COL22A1: variants seen among roughly 807,000 people sequenced by gnomAD.
The protein encoded by COL22A1 is collagen alpha-1(XXII) chain.
Under a neutral mutation model 248.9 loss-of-function variants are expected in COL22A1, and 221 were observed. The observed-to-expected ratio is 0.89, with a 90% CI of 0.80 to 0.99. The LOEUF is 0.99. Ranked by LOEUF, COL22A1 falls within the 50% of genes least tolerant of loss-of-function variation. The pLI, the probability that COL22A1 is intolerant of heterozygous loss-of-function variation, is 0.00. For missense variants in COL22A1, 2,240 were observed against 2,179.0 expected (o/e 1.03, Z -0.56); for synonymous variants, 891 against 793.4 (o/e 1.12, Z -2.07).
rs1250422098 is a variant in COL22A1 at position 138,909,218 on chromosome 8, AGAGTT to A, written c.-73+4396_-73+4400del. Among the ~76,000 whole-genome samples the A allele has an allele frequency of 4.6e-5, 7 of 152,246 alleles. No individual in the cohort carries two copies. In the South Asian group the frequency reaches 6.2e-4, roughly 14 times the overall value. ...TTAACACGAGATCTATCCTCCTAAT[AGAGTT>A]AAGTTTACAACACAATGTTGCTACA... On this transcript the variant is annotated intron_variant, in intron 1 of 64. Coordinates refer to ENST00000303045, the MANE Select transcript of COL22A1 (RefSeq NM_152888.3).
intron 1 of COL22A1, among the ~76,000 whole-genome samples, chr8:138,894,801 T>A (rs573824810): frequency 4.1e-4 from 62 of 152,224 alleles, no homozygotes; most frequent in Non-Finnish European, 6.5e-4. Context: ...ACAGTACTTC[T>A]GTATTTTCAG....
chr8:138,902,957 G>C (rs1375797332), intron 1 of COL22A1, among the ~76,000 whole-genome samples: 1 of 152,062 alleles, frequency 6.6e-6, no homozygotes, highest in Non-Finnish European at 1.5e-5. Context: ...TTGTTCAAGG[G>C]TGGTTACTTT....
In COL22A1 at chr8:138,663,704, C is replaced by G; in HGVS notation, c.3186+1G>C. 6.2e-7 allele frequency: 1 copy of G among 1,607,028 alleles called. No homozygotes were observed. ...ATCCCTTTATTTAAAGCATACTGTA[C>G]CGGGGATCCTTTGTCTCCTGGTGGT... is the stretch of plus-strand genomic sequence containing the variant. On this transcript the variant is annotated splice_donor_variant, in intron 42 of 64. Transcript: ENST00000303045. LOFTEE classifies it high-confidence loss of function.
rs777693523 is a variant in COL22A1 at position 138,597,007 on chromosome 8, A to G, written c.4366-37T>C. ...GGAAGGTGGAGTCATTCATCTTCCC[A>G]GTAACTTCTGCCACCTAAGAACCCT... is the stretch of plus-strand genomic sequence containing the variant. On this transcript the variant is annotated intron_variant, in intron 61 of 64. Coordinates refer to ENST00000303045, the MANE Select transcript of COL22A1 (RefSeq NM_152888.3). 6.3e-6 allele frequency: 10 copies of G among 1,578,162 alleles called. No homozygotes were observed. The East Asian group carries it at 2.0e-4, about 32-fold the overall frequency.
chr8:138,739,537 C>T (rs1023380587), intron 22 of COL22A1, among the ~76,000 whole-genome samples: 4 of 152,182 alleles, frequency 2.6e-5, no homozygotes, highest in Non-Finnish European at 5.9e-5. Context: ...GGCGTTTGTG[C>T]TTATTTATTG....
intron 16 of COL22A1, among the ~76,000 whole-genome samples, chr8:138,768,128 A>G (rs558011738): frequency 3.9e-4 from 59 of 152,076 alleles, no homozygotes; most frequent in African/African-American, 1.3e-3. Flanking sequence ...CCTCGATCCG[A>G]TCCATTGCCT....
intron 1 of COL22A1, among the ~76,000 whole-genome samples, chr8:138,886,256 A>G (rs116748701): frequency 0.029 from 4,408 of 152,232 alleles, 245 homozygotes; most frequent in African/African-American, 0.1. Flanking sequence ...GGCTGCCATC[A>G]TCTGCCCAGG....
intron 49 of COL22A1, among the ~76,000 whole-genome samples, chr8:138,633,742 C>A (rs976907973): frequency 1.3e-5 from 2 of 152,260 alleles, no homozygotes; most frequent in East Asian, 3.9e-4. Context: ...TCAGATGCTA[C>A]AAAATCCAAT....
At chr8:138,736,923 A>G (rs139846600) in intron 23 of COL22A1, among the ~76,000 whole-genome samples, 1 of 152,154 alleles carries the variant, frequency 6.6e-6, no homozygotes, top group Non-Finnish European at 1.5e-5. Context: ...CTGAGACCCA[A>G]ACCCAGGCCT....
At chr8:138,693,121 A>G (rs1827220800) in intron 35 of COL22A1, among the ~76,000 whole-genome samples, 1 of 152,146 alleles carries the variant, frequency 6.6e-6, no homozygotes, top group Non-Finnish European at 1.5e-5. Flanking sequence ...AGCTCCAGGA[A>G]CAAGTGCCAG....
intron 4 of COL22A1, among the ~76,000 whole-genome samples, chr8:138,842,860 T>C (rs1405382599): frequency 6.6e-6 from 1 of 152,170 alleles, no homozygotes; most frequent in Non-Finnish European, 1.5e-5. Context: ...ACCTCGAGAA[T>C]ATCACTTTGT....
In COL22A1 at chr8:138,598,763, C is replaced by T; in HGVS notation, c.4321G>A (p.Gly1441Arg). 6.2e-7 allele frequency: 1 copy of T among 1,614,044 alleles called. No individual in the cohort carries two copies. The highest frequency in any genetic ancestry group is 8.5e-7 in the Non-Finnish European group (1 of 1,179,978). Residue 1441 changes from glycine to arginine, a missense_variant, in exon 61 of 65, where the codon GGA becomes AGA. Transcript: ENST00000303045. Reference sequence around the variant, plus strand: ...GGCTGGCCTGGAGGCCCTGGGGGTCCAACTGGTCCATTCTCCCCAGGTAGT... The same window carrying T: ...GGCTGGCCTGGAGGCCCTGGGGGTCTAACTGGTCCATTCTCCCCAGGTAGT... Reference protein sequence around the residue: ...QGLPGENGPVGPPGPPGQPGF... With the variant: ...QGLPGENGPVRPPGPPGQPGF...
intron 16 of COL22A1, among the ~76,000 whole-genome samples, chr8:138,765,731 T>C (rs1436389212): frequency 1.3e-5 from 2 of 152,246 alleles, no homozygotes; most frequent in African/African-American, 4.8e-5. Flanking sequence ...CAAAGCTGTC[T>C]GTCTTGCAGA....
At chr8:138,703,581 CCATATTGATATG>C (rs2130996055) in intron 30 of COL22A1, among the ~76,000 whole-genome samples, 1 of 152,248 alleles carries the variant, frequency 6.6e-6, no homozygotes, top group African/African-American at 2.4e-5. Flanking sequence ...TCAGAAGTAT[CCATATTGATATG>C]CGTAGTGGTA....
rs1013935254 is a variant in COL22A1 at position 138,830,149 on chromosome 8, T to C, written c.845+2890A>G. Reference sequence around the variant, plus strand: ...GAGATGGCAGTGGAAGGGTAAATGGTGTGTAATTAGAGGACCTGAGTTTGA... The same window carrying C: ...GAGATGGCAGTGGAAGGGTAAATGGCGTGTAATTAGAGGACCTGAGTTTGA... On this transcript the variant is annotated intron_variant, in intron 5 of 64. Transcript: ENST00000303045. Among the ~76,000 whole-genome samples, 5 of 152,144 alleles carry C rather than the reference T, an allele frequency of 3.3e-5. No individual in the cohort carries two copies. The South Asian group carries it at 1.0e-3, about 32-fold the overall frequency.
chr8:138,599,064 C>T (rs1199465706), intron 60 of COL22A1, among the ~76,000 whole-genome samples, 166 bp from the exon 61 acceptor site: 2 of 152,218 alleles, frequency 1.3e-5, no homozygotes, highest in East Asian at 1.9e-4. Context: ...CAGAATCCAT[C>T]ACATGCACTG....
intron 47 of COL22A1, among the ~76,000 whole-genome samples, chr8:138,642,689 G>T (rs1432631451): frequency 6.6e-6 from 1 of 152,130 alleles, no homozygotes; most frequent in African/African-American, 2.4e-5. Context: ...ATACTTAATG[G>T]AGCTAGCTCC....
At chr8:138,689,398 C>A (rs1427027733) in intron 36 of COL22A1, among the ~76,000 whole-genome samples, 1 of 152,046 alleles carries the variant, frequency 6.6e-6, no homozygotes, top group East Asian at 1.9e-4. Flanking sequence ...TAAGTGCAAG[C>A]GTCCCATGGA....
rs148050986 is a variant in COL22A1 at position 138,672,551 on chromosome 8, C to T, written c.3150+4007G>A. 2.6e-3 allele frequency among the ~76,000 whole-genome samples: 400 copies of T among 152,292 alleles called. 3 individuals carry two copies. The highest frequency in any genetic ancestry group is 9.3e-3 in the African/African-American group (386 of 41,564). On this transcript the variant is annotated intron_variant, in intron 41 of 64. Coordinates refer to ENST00000303045, the MANE Select transcript of COL22A1 (RefSeq NM_152888.3). ...GGGCAGGGAGCCTGGGAATTCTGTC[C>T]CTTTTGTATGTGCGTCCTCAATGCC...
Sources: allele counts gnomAD v4.1 joint callset (sites outside exome capture counted in the v4.1 genomes callset), GRCh38; gene constraint gnomAD v4.1.1; transcripts MANE v1.5; gene names NCBI Gene and HGNC (gene_info 2026-07-23, HGNC 2026-07-21).